DLGAP2: variants seen among roughly 807,000 people sequenced by gnomAD.
The protein encoded by DLGAP2 is DLG associated protein 2.
In DLGAP2, 26 loss-of-function variants were observed where a neutral mutation model predicts 100.3. That is an observed-to-expected ratio of 0.26 (90% confidence interval 0.19 to 0.36). The LOEUF (loss-of-function observed/expected upper bound fraction) is 0.36. DLGAP2 is among the 10% of genes least tolerant of loss of function. DLGAP2 has a pLI of 1.00. For missense variants in DLGAP2, 1,858 were observed against 1,453.2 expected (o/e 1.28, Z -4.53); for synonymous variants, 886 against 630.1 (o/e 1.41, Z -6.08).
At chr8:1,497,018 G>C (rs147867411) in intron 3 of DLGAP2, among the ~76,000 whole-genome samples, 13 of 152,092 alleles carry the variant, frequency 8.5e-5, no homozygotes, top group African/African-American at 2.9e-4. Flanking sequence ...CAGGTCACAC[G>C]TTATGGAGCA....
At chr8:1,218,676 G>T (rs1798259264) in intron 2 of DLGAP2, among the ~76,000 whole-genome samples, 2 of 151,894 alleles carry the variant, frequency 1.3e-5, no homozygotes, top group African/African-American at 4.8e-5. Context: ...AAATCATGTT[G>T]GTAGTTTGAT....
At chr8:1,009,160 C>T (rs1295188034) in intron 2 of DLGAP2, among the ~76,000 whole-genome samples, 1 of 152,172 alleles carries the variant, frequency 6.6e-6, no homozygotes, top group Admixed American at 6.5e-5. Context: ...TCAGCTCTGC[C>T]TCCTGCTTTC....
intron 2 of DLGAP2, among the ~76,000 whole-genome samples, chr8:947,133 C>T (rs964443698): frequency 6.6e-6 from 1 of 152,224 alleles, no homozygotes; most frequent in South Asian, 2.1e-4. Flanking sequence ...GCCAGGAAGA[C>T]TGTCTTTCAA....
intron 3 of DLGAP2, among the ~76,000 whole-genome samples, chr8:1,330,955 G>A (rs112481277): frequency 0.11 from 16,447 of 148,572 alleles, 853 homozygotes; most frequent in East Asian, 0.19. Context: ...GTTCTGGGTG[G>A]GAGCGCCACT....
chr8:1,501,541 G>A, intron 4 of DLGAP2, 110 bp downstream of exon 4: 1 of 1,105,748 alleles, frequency 9.0e-7, no homozygotes, highest in Non-Finnish European at 1.3e-6. Flanking sequence ...AGCATGTTTA[G>A]AAAGGGAGCT....
At chr8:1,668,747 A>G in intron 9 of DLGAP2, 69 bp downstream of exon 9, 1 of 1,375,306 alleles carries the variant, frequency 7.3e-7, no homozygotes, top group East Asian at 2.5e-5. Context: ...GAATAAGCCA[A>G]AACCCAACCA....
At chr8:1,536,509 A>G (rs918754788) in intron 4 of DLGAP2, among the ~76,000 whole-genome samples, 7 of 152,178 alleles carry the variant, frequency 4.6e-5, no homozygotes, top group African/African-American at 1.7e-4. Context: ...TCCATTCGGT[A>G]AACCAGAGCA....
At chr8:1,328,864 C>T (rs533433350) in intron 3 of DLGAP2, among the ~76,000 whole-genome samples, 88 of 152,232 alleles carry the variant, frequency 5.8e-4, no homozygotes, top group African/African-American at 2.0e-3. Context: ...GTACACACTT[C>T]GGTGGTTTGC....
intron 3 of DLGAP2, among the ~76,000 whole-genome samples, chr8:1,468,372 A>T (rs1269953411): frequency 6.6e-5 from 9 of 136,074 alleles, no homozygotes. Context: ...CAGCAGCCTC[A>T]GTCCATTCTG....
intron 2 of DLGAP2, among the ~76,000 whole-genome samples, chr8:1,026,067 C>G (rs538428763): frequency 2.4e-4 from 36 of 152,322 alleles, no homozygotes; most frequent in Middle Eastern, 6.8e-3. Flanking sequence ...CCATGCACTT[C>G]GTCCCGGCTT....
chr8:1,678,265 C>G lies in DLGAP2; in HGVS notation c.2340C>G (p.Asp780Glu), dbSNP rs751461675. The change falls in exon 12 of 15, where the codon GAC (aspartate) becomes GAG (glutamate). Residue 780 changes from aspartate to glutamate, a missense_variant. Coordinates refer to ENST00000637795, the MANE Select transcript of DLGAP2 (RefSeq NM_001346810.2). ...GCGTCACGGCCGCCGTCCAAGCTGA[C>G]CTGGAGCTGGAGGGGTTCCCAGGCC... ...SNSVTAAVQA[D>E]LELEGFPGHI... 1 of 1,613,906 alleles carries G rather than the reference C, an allele frequency of 6.2e-7. No homozygotes were observed. The highest frequency in any genetic ancestry group is 1.1e-5 in the South Asian group (1 of 91,072).
At chr8:1,613,835 T>C (rs1269573769) in intron 6 of DLGAP2, among the ~76,000 whole-genome samples, 2 of 152,224 alleles carry the variant, frequency 1.3e-5, no homozygotes, top group Non-Finnish European at 2.9e-5. Context: ...CTCTGTATTC[T>C]TTTTGGAAAA....
chr8:1,077,490 C>G (rs1171055716), intron 2 of DLGAP2, among the ~76,000 whole-genome samples: 1 of 152,166 alleles, frequency 6.6e-6, no homozygotes, highest in Non-Finnish European at 1.5e-5. Context: ...AGATGTTGGA[C>G]TTTTAGGTGA....
chr8:1,623,331 C>T (rs908929147), intron 6 of DLGAP2, among the ~76,000 whole-genome samples: 6 of 152,074 alleles, frequency 3.9e-5, no homozygotes, highest in Non-Finnish European at 8.8e-5. Flanking sequence ...GTGTGATGAC[C>T]TGGCACCAGT....
intron 2 of DLGAP2, among the ~76,000 whole-genome samples, chr8:932,083 C>T (rs540217346): frequency 4.6e-5 from 7 of 152,190 alleles, no homozygotes; most frequent in African/African-American, 7.2e-5. Flanking sequence ...TGTAAGACCT[C>T]GTGGCATTCC....
chr8:1,054,640 A>G (rs1433046320), intron 2 of DLGAP2, among the ~76,000 whole-genome samples: 1 of 152,210 alleles, frequency 6.6e-6, no homozygotes, highest in African/African-American at 2.4e-5. Flanking sequence ...GTACCTAGGA[A>G]TGATCAGATA....
chr8:1,479,029 A>G (rs900060681), intron 3 of DLGAP2, among the ~76,000 whole-genome samples: 1 of 152,252 alleles, frequency 6.6e-6, no homozygotes, highest in Non-Finnish European at 1.5e-5. Context: ...ATGCTGAAAC[A>G]ATCGAAAGGA....
chr8:1,307,466 C>A (rs1212616970), intron 3 of DLGAP2, among the ~76,000 whole-genome samples: 1 of 152,096 alleles, frequency 6.6e-6, no homozygotes, highest in Admixed American at 6.5e-5. Context: ...TATGGTGAGT[C>A]TTCAAAAAAT....
At position 1,638,785 on chromosome 8, in the gene DLGAP2, C is replaced by T. The variant is rs539865207; in HGVS notation, c.1810+5739C>T. 1.5e-4 allele frequency among the ~76,000 whole-genome samples: 23 copies of T among 152,258 alleles called. No homozygotes were observed. In the South Asian group the frequency reaches 4.4e-3, roughly 29 times the overall value. ...ACTTCATCCAGGAAGCTGGGTCTCC[C>T]GGGGAGTCCAGGAGGAGAGGCCGTA... On this transcript the variant is annotated intron_variant, in intron 8 of 14. Coordinates refer to ENST00000637795, the MANE Select transcript of DLGAP2 (RefSeq NM_001346810.2).
Sources: allele counts gnomAD v4.1 joint callset (sites outside exome capture counted in the v4.1 genomes callset), GRCh38; gene constraint gnomAD v4.1.1; transcripts MANE v1.5; gene names NCBI Gene and HGNC (gene_info 2026-07-23, HGNC 2026-07-21).